Variants in CUBN observed in about 807,000 individuals in gnomAD.
The protein encoded by CUBN is cubilin.
Under a neutral mutation model 405.3 loss-of-function variants are expected in CUBN, and 282 were observed. The ratio of observed to expected loss-of-function variants is 0.70; its 90% CI spans 0.63 to 0.77. The LOEUF (loss-of-function observed/expected upper bound fraction) is 0.77, where lower values mean the gene tolerates loss of function less well. CUBN is among the 30% of genes least tolerant of loss of function. CUBN has a pLI of 0.00. For missense variants in CUBN, 4,514 were observed against 4,475.2 expected, an observed-to-expected ratio of 1.01 and a Z score of -0.25; for synonymous variants, 1,684 against 1,617.0, an observed-to-expected ratio of 1.04 and a Z score of -0.99.
At chr10:17,076,482 CAAA>C (rs79168650) in intron 17 of CUBN, among the ~76,000 whole-genome samples, 30,597 of 137,708 alleles carry the variant, frequency 0.22, 3,507 homozygotes, top group Middle Eastern at 0.33. Context: ...GCACCCCCAC[CAAA>C]AAAAAAAAAA....
rs1842400697 is a variant in CUBN, at chr10:16,932,948, G to A, written c.6124+139C>T. 4 of 821,924 alleles carry A rather than the reference G, an allele frequency of 4.9e-6. No individual in the cohort carries two copies. The East Asian group carries it at 1.1e-4, about 22-fold the overall frequency. The allele number at this position is 821,924 out of a possible 1,614,324, so 50.9% of individuals were successfully genotyped here. ...CCTTCAGAAGTTGTAGCCATTTCTG[G>A]TACTGATGCCTTCCTTGACCATAAT... On this transcript the variant is annotated intron_variant, in intron 40 of 66. Transcript: ENST00000377833.
At chr10:17,040,695 T>C (rs1834998592) in intron 27 of CUBN, among the ~76,000 whole-genome samples, 1 of 152,118 alleles carries the variant, frequency 6.6e-6, no homozygotes, top group Admixed American at 6.6e-5. Flanking sequence ...AAATCCAAGA[T>C]ACCCAAACAT....
At chr10:17,091,575 T>C (rs1836260366) in intron 14 of CUBN, among the ~76,000 whole-genome samples, 1 of 152,136 alleles carries the variant, frequency 6.6e-6, no homozygotes, top group African/African-American at 2.4e-5. Context: ...GTTGTAGGTC[T>C]CAATGAATAA....
chr10:16,907,080 A>C (rs1841574167), intron 49 of CUBN, among the ~76,000 whole-genome samples: 1 of 152,218 alleles, frequency 6.6e-6, no homozygotes, highest in African/African-American at 2.4e-5. Flanking sequence ...ATTTATTTTC[A>C]CTGGAAATAT....
At chr10:17,048,153 T>C (rs1005875801) in intron 22 of CUBN, among the ~76,000 whole-genome samples, 6 of 152,236 alleles carry the variant, frequency 3.9e-5, no homozygotes, top group African/African-American at 1.4e-4. Context: ...AGTTCTCACA[T>C]CTCGCAAATG....
intron 43 of CUBN, among the ~76,000 whole-genome samples, chr10:16,922,030 C>T (rs1474297504): frequency 1.3e-5 from 2 of 152,174 alleles, no homozygotes; most frequent in East Asian, 1.9e-4. Flanking sequence ...TCCACTCTTA[C>T]TGCCTTATTT....
intron 28 of CUBN, among the ~76,000 whole-genome samples, chr10:16,992,443 C>T (rs1380660179): frequency 3.9e-5 from 6 of 152,190 alleles, no homozygotes; most frequent in African/African-American, 9.6e-5. Flanking sequence ...TATGAGTAAA[C>T]GTGCATTTTT....
At position 16,928,323 on chromosome 10, in the gene CUBN, A is replaced by G. The variant is rs750476194; in HGVS notation, c.6125-20T>C. 4 of 1,612,934 alleles carry G rather than the reference A, an allele frequency of 2.5e-6. No individual in the cohort carries two copies. In the Admixed American group the frequency reaches 5.0e-5, roughly 20 times the overall value. Reference sequence around the variant, plus strand: ...TATCTCCTACGTTGAAAGAAAGGGAACAACATGAAAATACATCTTGAGAAT... The same window carrying G: ...TATCTCCTACGTTGAAAGAAAGGGAGCAACATGAAAATACATCTTGAGAAT... On this transcript the variant is annotated intron_variant, in intron 40 of 66. Coordinates refer to ENST00000377833, the MANE Select transcript of CUBN (RefSeq NM_001081.4).
chr10:17,047,298 C>G, intron 23 of CUBN, 116 bp downstream of exon 23: 1 of 800,288 alleles, frequency 1.2e-6, no homozygotes, highest in Non-Finnish European at 2.0e-6. Context: ...CAAGAAAGTG[C>G]ACAGCAGGGA....
intron 48 of CUBN, among the ~76,000 whole-genome samples, chr10:16,913,475 C>T (rs1409384155): frequency 6.6e-6 from 1 of 152,188 alleles, no homozygotes; most frequent in Non-Finnish European, 1.5e-5. Context: ...TTCGTGGTGG[C>T]TTGTGCTGTG....
At chr10:17,076,297 T>A (rs924734072) in intron 17 of CUBN, among the ~76,000 whole-genome samples, 1 of 152,092 alleles carries the variant, frequency 6.6e-6, no homozygotes, top group African/African-American at 2.4e-5. Context: ...TCTGTGGAAA[T>A]GAAACCTTAT....
rs531418994 is a variant in CUBN at position 16,884,073 on chromosome 10, G to A, written c.8905+4344C>T. 6.6e-5 allele frequency among the ~76,000 whole-genome samples: 10 copies of A among 152,184 alleles called. No homozygotes were observed. In the South Asian group the frequency reaches 1.0e-3, roughly 16 times the overall value. On this transcript the variant is annotated intron_variant, in intron 56 of 66. Transcript: ENST00000377833. ...TGGCTCACTGCAAGCTCCGCCTCCC[G>A]GGTTCACGCCATTCTCCTGCTTCAG... is the stretch of plus-strand genomic sequence containing the variant.
At chr10:17,025,989 G>A (rs1834653042) in intron 27 of CUBN, among the ~76,000 whole-genome samples, 1 of 152,152 alleles carries the variant, frequency 6.6e-6, no homozygotes, top group Non-Finnish European at 1.5e-5. Context: ...AGAGTCCACT[G>A]GCAAGCAAAG....
chr10:17,008,356 T>TG (rs1368704173), intron 28 of CUBN, among the ~76,000 whole-genome samples: 30 of 125,668 alleles, frequency 2.4e-4, no homozygotes, highest in African/African-American at 8.6e-4. Context: ...GTGTGTGTGG[T>TG]GTGTGTGTGT....
chr10:17,078,055 C>T (rs1835888056), intron 17 of CUBN, among the ~76,000 whole-genome samples: 1 of 152,004 alleles, frequency 6.6e-6, no homozygotes. Flanking sequence ...CTTCTCCTGC[C>T]CTCTCTTCTC....
intron 14 of CUBN, among the ~76,000 whole-genome samples, chr10:17,094,161 C>A (rs1293898312): frequency 6.6e-6 from 1 of 151,850 alleles, no homozygotes; most frequent in Non-Finnish European, 1.5e-5. Context: ...ACAATAAAAG[C>A]AGTGAGGGTG....
chr10:17,105,609 G>A, intron 10 of CUBN, 34 bp from the exon 11 acceptor site: 1 of 1,179,878 alleles, frequency 8.5e-7, no homozygotes, highest in Non-Finnish European at 1.3e-6. Context: ...TGTAAATACA[G>A]GTCTCCTCCT....
intron 56 of CUBN, among the ~76,000 whole-genome samples, chr10:16,884,137 G>A (rs1035088755): frequency 2.0e-5 from 3 of 152,104 alleles, no homozygotes; most frequent in African/African-American, 7.2e-5. Flanking sequence ...CCGCCACCAC[G>A]CCCGGCTAAT....
intron 32 of CUBN, among the ~76,000 whole-genome samples, chr10:16,953,542 G>A (rs907212316): frequency 6.6e-6 from 1 of 152,160 alleles, no homozygotes. Flanking sequence ...CTTAGAACGA[G>A]CAGATGAAAG....
Sources: allele counts gnomAD v4.1 joint callset (sites outside exome capture counted in the v4.1 genomes callset), GRCh38; gene constraint gnomAD v4.1.1; transcripts MANE v1.5; gene names NCBI Gene and HGNC (gene_info 2026-07-23, HGNC 2026-07-21).